Variants in UBA2 observed in about 807,000 individuals in gnomAD.
UBA2 encodes the protein ubiquitin like modifier activating enzyme 2, also known as SUMO-activating enzyme subunit 2.
UBA2 carries 11 observed loss-of-function variants against 77.2 expected under a neutral mutation model. The observed-to-expected ratio is 0.14, with a 90% CI of 0.09 to 0.24. The LOEUF is 0.24. Ranked by LOEUF, UBA2 falls within the 10% of genes least tolerant of loss-of-function variation. The pLI is 1.00. For missense variants in UBA2, 487 were observed against 781.7 expected, an observed-to-expected ratio of 0.62 and a Z score of 4.50; for synonymous variants, 278 against 276.7, an observed-to-expected ratio of 1.00 and a Z score of -0.05.
At chr19:34,463,054 G>GCA (rs2075649110) in intron 14 of UBA2, among the ~76,000 whole-genome samples, 1 of 151,388 alleles carries the variant, frequency 6.6e-6, no homozygotes, top group Non-Finnish European at 1.5e-5. Flanking sequence ...CCAAGATGGT[G>GCA]CCACTGCACT....
chr19:34,445,204 A>T, intron 8 of UBA2, 83 bp downstream of exon 8: 1 of 1,405,094 alleles, frequency 7.1e-7, no homozygotes, highest in South Asian at 1.4e-5. Context: ...GTTTTAAAAT[A>T]GTCCATAAAA....
chr19:34,454,205 C>G, intron 10 of UBA2, 55 bp from the exon 11 acceptor site: 2 of 1,418,924 alleles, frequency 1.4e-6, no homozygotes, highest in South Asian at 2.4e-5. Context: ...GAAAGTAATG[C>G]TTCAAAATAG....
At chr19:34,455,973 T>C (rs1189995821) in intron 12 of UBA2, among the ~76,000 whole-genome samples, 1 of 151,790 alleles carries the variant, frequency 6.6e-6, no homozygotes, top group Non-Finnish European at 1.5e-5. Context: ...GATGGGGTCT[T>C]GCTATGTTGT....
intron 16 of UBA2, among the ~76,000 whole-genome samples, chr19:34,467,465 CAAA>C (rs35373946): frequency 1.3e-4 from 14 of 110,130 alleles, no homozygotes; most frequent in Non-Finnish European, 1.6e-4. Context: ...GACCATGTCT[CAAA>C]AAAAAAAAAA....
chr19:34,465,909 T>C (rs373366404), intron 15 of UBA2, among the ~76,000 whole-genome samples: 4 of 152,332 alleles, frequency 2.6e-5, no homozygotes, highest in African/African-American at 9.6e-5. Flanking sequence ...TTAAAACGTG[T>C]GTCTTTTGTT....
At chr19:34,448,544 A>G (rs965787059) in intron 8 of UBA2, among the ~76,000 whole-genome samples, 2 of 152,142 alleles carry the variant, frequency 1.3e-5, no homozygotes, top group South Asian at 2.1e-4. Flanking sequence ...TCAGTGAGCT[A>G]TGGTCACACC....
intron 7 of UBA2, among the ~76,000 whole-genome samples, chr19:34,444,170 G>A (rs2075402986): frequency 6.9e-6 from 1 of 145,876 alleles, no homozygotes; most frequent in African/African-American, 2.5e-5. Context: ...TGATTCTCCT[G>A]CCTCAGGCTC....
chr19:34,460,072 G>A (rs529320684), intron 13 of UBA2, among the ~76,000 whole-genome samples: 2 of 152,294 alleles, frequency 1.3e-5, no homozygotes, highest in African/African-American at 2.4e-5. Context: ...TGCATGGAAC[G>A]GGGAGACTTA....
Position 34,466,330 on chromosome 19 carries a change from C to T in UBA2, c.1605-548C>T, listed in dbSNP as rs915165107. 7.9e-5 allele frequency among the ~76,000 whole-genome samples: 12 copies of T among 151,736 alleles called. 1 individual carries two copies. The highest frequency in any genetic ancestry group is 4.2e-4 in the South Asian group (2 of 4,800). ...TAGCCTGGGTGACAGAGTGAGACTC[C>T]GTCTCGAAAAAAAGAAAAAGATCAC... is the stretch of plus-strand genomic sequence containing the variant. On this transcript the variant is annotated intron_variant, in intron 15 of 16. Coordinates refer to ENST00000246548, the MANE Select transcript of UBA2 (RefSeq NM_005499.3).
chr19:34,462,099 T>C (rs1001447897), intron 14 of UBA2, among the ~76,000 whole-genome samples: 3 of 152,154 alleles, frequency 2.0e-5, no homozygotes, highest in Non-Finnish European at 4.4e-5. Context: ...GTCTTTCTTG[T>C]CACATGTGCA....
chr19:34,455,265 C>T lies in UBA2; in HGVS notation c.1245+709C>T, dbSNP rs537560876. The stretch of plus-strand genomic sequence containing the variant: ...TGAATTATATGGGAAGATACTCCTC[C>T]CCCTCCACTAAGCACCAAGTTTAAG... On this transcript the variant is annotated intron_variant, in intron 12 of 16. Transcript: ENST00000246548. 2.6e-5 allele frequency among the ~76,000 whole-genome samples: 4 copies of T among 152,140 alleles called. No homozygotes were observed. In the East Asian group the frequency reaches 7.7e-4, roughly 29 times the overall value.
At chr19:34,444,792 G>T (rs1426913700) in intron 7 of UBA2, among the ~76,000 whole-genome samples, 2 of 152,188 alleles carry the variant, frequency 1.3e-5, no homozygotes, top group Non-Finnish European at 2.9e-5. Context: ...GGGCAACAGA[G>T]TGAGACTTTG....
intron 14 of UBA2, among the ~76,000 whole-genome samples, chr19:34,462,581 G>C (rs1034942690): frequency 6.6e-6 from 1 of 152,092 alleles, no homozygotes; most frequent in African/African-American, 2.4e-5. Flanking sequence ...TGTCAACGTA[G>C]GGAAAGGCGT....
In UBA2 at chr19:34,471,113, CTT is replaced by C. The variant is rs1420769311; in HGVS notation, c.*1893_*1894del. The C allele has an allele frequency of 6.6e-6, 1 of 152,182 alleles. No homozygotes were observed. The highest frequency in any genetic ancestry group is 1.5e-5 in the Non-Finnish European group (1 of 68,044). 9.4% of individuals were successfully genotyped at this position (152,182 alleles called of 1,614,324 possible). A position where few individuals can be genotyped will look rare whatever the true frequency, so the allele number is the denominator to read the frequency against. ...AGAGGGCTTTGCCTGTTAGGGTACT[CTT>C]ATCACTCAGAGATGGGCCTTGAGTT... On this transcript the variant is annotated 3_prime_UTR_variant, in exon 17 of 17. Transcript: ENST00000246548.
In UBA2 at chr19:34,454,301, C is replaced by T; in HGVS notation, c.1080C>T (p.Asn360=). The part of the protein sequence containing the change: ...SAMDFVTSAA[N]LRMHIFSMNM... Reference sequence around the variant, plus strand: ...TGGATTTTGTCACCTCTGCTGCAAACCTCAGGATGCATATTTTCAGTATGA... The same window carrying T: ...TGGATTTTGTCACCTCTGCTGCAAATCTCAGGATGCATATTTTCAGTATGA... Residue 360 remains asparagine (N), a synonymous_variant, in exon 11 of 17, where the codon AAC becomes AAT. Transcript: ENST00000246548. The T allele has an allele frequency of 6.2e-7, 1 of 1,612,944 alleles. No individual in the cohort carries two copies. Among genetic ancestry groups the T allele is most frequent in the Non-Finnish European group, 8.5e-7 (1 of 1,179,886 alleles).
At chr19:34,438,012 C>G (rs1364311335) in intron 5 of UBA2, among the ~76,000 whole-genome samples, 1 of 152,168 alleles carries the variant, frequency 6.6e-6, no homozygotes, top group Non-Finnish European at 1.5e-5. Flanking sequence ...GATTATGCCA[C>G]TGTACTCCAG....
At chr19:34,437,529 G>A (rs962994741) in intron 5 of UBA2, among the ~76,000 whole-genome samples, 7 of 151,926 alleles carry the variant, frequency 4.6e-5, no homozygotes, top group African/African-American at 1.7e-4. Context: ...AGAATCACTT[G>A]AACCCGGGAG....
At chr19:34,453,483 T>G (rs1050687745) in intron 10 of UBA2, among the ~76,000 whole-genome samples, 4 of 150,240 alleles carry the variant, frequency 2.7e-5, no homozygotes, top group African/African-American at 9.8e-5. Context: ...TGAAAAAGAG[T>G]CATCCAGGTT....
At chr19:34,433,531 A>G (rs1486122443) in intron 4 of UBA2, 119 bp downstream of exon 4, 9 of 749,232 alleles carry the variant, frequency 1.2e-5, no homozygotes, top group East Asian at 2.7e-5. Flanking sequence ...CTTAAGAGAA[A>G]TGATCGAGTT....
Sources: gnomAD v4.1 joint callset for allele counts (sites outside exome capture counted in the v4.1 genomes callset) on GRCh38, gnomAD v4.1.1 for gene constraint, MANE v1.5 for transcripts, NCBI Gene and HGNC (gene_info 2026-07-23, HGNC 2026-07-21) for gene names.